RAB39A: variants seen among roughly 807,000 people sequenced by gnomAD.
The protein encoded by RAB39A is ras-related protein Rab-39A.
Under a neutral mutation model 20.9 loss-of-function variants are expected in RAB39A, and 17 were observed. That is an observed-to-expected ratio of 0.81 (90% CI 0.56 to 1.22). RAB39A has a LOEUF of 1.22. Ranked by LOEUF, RAB39A falls within the 50% of genes most tolerant of loss-of-function variation. The pLI, the probability that RAB39A is intolerant of heterozygous loss-of-function variation, is 0.00. For synonymous variants in RAB39A, 99 were observed against 103.4 expected (o/e 0.96, Z 0.26); for missense variants, 234 against 270.5 (o/e 0.87, Z 0.95).
intron 1 of RAB39A, among the ~76,000 whole-genome samples, chr11:107,933,157 A>G (rs144150972): frequency 4.3e-4 from 65 of 152,128 alleles, no homozygotes; most frequent in Admixed American, 9.8e-4. Context: ...ATACATAGCA[A>G]TGTTAGCTGT....
At position 107,962,174 on chromosome 11, in the gene RAB39A, GTA is replaced by G; in HGVS notation, c.461_462del (p.Ile154ArgfsTer11). On this transcript the variant is annotated frameshift_variant, in exon 2 of 2. Coordinates refer to ENST00000320578, the MANE Select transcript of RAB39A (RefSeq NM_017516.3). LOFTEE classifies it high-confidence loss of function. ...AACTGTCAGCAGACTGTGGAATGAAGTATATAGAAACCTCAGCAAAGGATGCT... is the reference window on the plus strand; with the variant it reads ...AACTGTCAGCAGACTGTGGAATGAAGTATAGAAACCTCAGCAAAGGATGCT... ...EKLSADCGMKYIETSAKDATN... is the reference protein window; with the variant it reads ...EKLSADCGMKXIETSAKDATN... 1.2e-6 allele frequency: 2 copies of G among 1,614,108 alleles called. No homozygotes were observed. The highest frequency in any genetic ancestry group is 2.2e-5 in the South Asian group (2 of 91,082).
At chr11:107,929,117 G>A (rs1333510245) in intron 1 of RAB39A, among the ~76,000 whole-genome samples, 1 of 152,054 alleles carries the variant, frequency 6.6e-6, no homozygotes, top group Non-Finnish European at 1.5e-5. Context: ...TATCCCCTCC[G>A]GCTCCCCGGC....
intron 1 of RAB39A, among the ~76,000 whole-genome samples, chr11:107,948,293 G>C (rs367913643): frequency 6.6e-6 from 1 of 152,156 alleles, no homozygotes; most frequent in African/African-American, 2.4e-5. Flanking sequence ...TAGCAAAAAG[G>C]AGAAAACGAG....
chr11:107,953,355 AAAG>A (rs1487263443), intron 1 of RAB39A, among the ~76,000 whole-genome samples: 1 of 152,194 alleles, frequency 6.6e-6, no homozygotes, highest in Non-Finnish European at 1.5e-5. Context: ...CTTATTCAAA[AAAG>A]AGAGTTAGTA....
intron 1 of RAB39A, among the ~76,000 whole-genome samples, chr11:107,938,750 GAAAGAA>G (rs1248451858): frequency 6.7e-6 from 1 of 148,274 alleles, no homozygotes; most frequent in Non-Finnish European, 1.5e-5. Context: ...AAAAAAAAAA[GAAAGAA>G]AAAGAAAAAG....
chr11:107,947,317 C>G (rs951106033), intron 1 of RAB39A, among the ~76,000 whole-genome samples: 1 of 152,010 alleles, frequency 6.6e-6, no homozygotes, highest in Non-Finnish European at 1.5e-5. Context: ...CCATGTTAGC[C>G]AGGATGGTCT....
At chr11:107,951,215 AAGG>A (rs1342601337) in intron 1 of RAB39A, among the ~76,000 whole-genome samples, 1 of 152,234 alleles carries the variant, frequency 6.6e-6, no homozygotes, top group Non-Finnish European at 1.5e-5. Flanking sequence ...ATAATAATCA[AAGG>A]AGTAGGGAGG....
At chr11:107,955,292 C>T (rs774377270) in intron 1 of RAB39A, among the ~76,000 whole-genome samples, 10 of 151,970 alleles carry the variant, frequency 6.6e-5, no homozygotes, top group South Asian at 2.1e-4. Context: ...CCACTGCACG[C>T]GGCCAAAAGC....
chr11:107,950,107 G>A (rs1437964442), intron 1 of RAB39A, among the ~76,000 whole-genome samples: 1 of 151,850 alleles, frequency 6.6e-6, no homozygotes, highest in African/African-American at 2.4e-5. Context: ...ATGAACCCAG[G>A]AGGCGGAACT....
intron 1 of RAB39A, among the ~76,000 whole-genome samples, chr11:107,950,049 C>T (rs1158150755): frequency 2.6e-5 from 4 of 151,662 alleles, no homozygotes; most frequent in Non-Finnish European, 5.9e-5. Context: ...GCGTGGTGGC[C>T]GGCCCCTGTA....
intron 1 of RAB39A, among the ~76,000 whole-genome samples, chr11:107,947,740 A>G (rs1186175927): frequency 6.8e-6 from 1 of 147,602 alleles, no homozygotes; most frequent in Admixed American, 7.0e-5. Context: ...TCCAGAAACA[A>G]CAGTGGAAAC....
chr11:107,957,705 A>G (rs1455676156), intron 1 of RAB39A, among the ~76,000 whole-genome samples: 2 of 152,118 alleles, frequency 1.3e-5, no homozygotes, highest in African/African-American at 4.8e-5. Context: ...GGGGTTTTGT[A>G]TCTGCTTTAT....
chr11:107,947,163 G>A (rs567267416), intron 1 of RAB39A, among the ~76,000 whole-genome samples: 17 of 151,924 alleles, frequency 1.1e-4, no homozygotes, highest in African/African-American at 2.7e-4. Context: ...GTGCAGTGGC[G>A]TGATCTCGGC....
chr11:107,941,319 C>T (rs1234113804), intron 1 of RAB39A, among the ~76,000 whole-genome samples: 1 of 152,014 alleles, frequency 6.6e-6, no homozygotes, highest in Non-Finnish European at 1.5e-5. Context: ...TAGTGTTCTG[C>T]AAAACATACT....
chr11:107,960,394 G>A (rs924757483), intron 1 of RAB39A, among the ~76,000 whole-genome samples: 20 of 152,120 alleles, frequency 1.3e-4, no homozygotes, highest in African/African-American at 4.8e-4. Context: ...TGAGTGGCAG[G>A]GAAGGCTGCT....
At chr11:107,942,237 G>T (rs1265032996) in intron 1 of RAB39A, among the ~76,000 whole-genome samples, 1 of 152,096 alleles carries the variant, frequency 6.6e-6, no homozygotes, top group African/African-American at 2.4e-5. Context: ...AGAGTAAGAG[G>T]TAAATTGAAA....
At chr11:107,942,121 AGACT>A (rs1463494619) in intron 1 of RAB39A, among the ~76,000 whole-genome samples, 1 of 143,412 alleles carries the variant, frequency 7.0e-6, no homozygotes, top group African/African-American at 2.6e-5. Flanking sequence ...AAAAAAAAAA[AGACT>A]GACATTTGAT....
intron 1 of RAB39A, among the ~76,000 whole-genome samples, chr11:107,937,586 A>G (rs960508550): frequency 6.4e-4 from 97 of 150,790 alleles, no homozygotes; most frequent in Admixed American, 1.9e-3. Flanking sequence ...CCCAGGCTGG[A>G]GTGCAGTGGC....
intron 1 of RAB39A, among the ~76,000 whole-genome samples, chr11:107,958,011 C>A (rs1861455777): frequency 6.6e-6 from 1 of 152,122 alleles, no homozygotes; most frequent in South Asian, 2.1e-4. Flanking sequence ...CCTGCCTCAG[C>A]CTCCCAAGTA....
Sources: gnomAD v4.1 joint callset for allele counts (sites outside exome capture counted in the v4.1 genomes callset) on GRCh38, gnomAD v4.1.1 for gene constraint, MANE v1.5 for transcripts, NCBI Gene and HGNC (gene_info 2026-07-23, HGNC 2026-07-21) for gene names.